Variants in HLCS observed in about 807,000 individuals in gnomAD.
HLCS encodes the protein holocarboxylase synthetase.
HLCS carries 53 observed loss-of-function variants against 75.0 expected under a neutral mutation model. The ratio of observed to expected loss-of-function variants is 0.71; its 90% CI spans 0.57 to 0.89. The LOEUF (loss-of-function observed/expected upper bound fraction) is 0.89. Ranked by LOEUF, HLCS falls within the 40% of genes least tolerant of loss-of-function variation. The pLI is 0.00. For missense variants in HLCS, 966 were observed against 1,074.0 expected (o/e 0.90, Z 1.41); for synonymous variants, 431 against 428.6 (o/e 1.01, Z -0.07).
Position 36,802,270 on chromosome 21 carries a change from G to A in HLCS, c.1893-34985C>T, listed in dbSNP as rs551006326. Among the ~76,000 whole-genome samples, 6 of 152,270 alleles carry A rather than the reference G, an allele frequency of 3.9e-5. No individual in the cohort carries two copies. In the South Asian group the frequency reaches 1.2e-3, roughly 32 times the overall value. ...GCATAAGGGGAAAGGGACAGTGGGA[G>A]AATCTCATGGGCCAGGCCTGGAAGA... is the stretch of plus-strand genomic sequence containing the variant. On this transcript the variant is annotated intron_variant, in intron 6 of 10. Transcript: ENST00000674895.
chr21:36,841,064 A>C (rs2062598867), intron 6 of HLCS, among the ~76,000 whole-genome samples: 1 of 152,216 alleles, frequency 6.6e-6, no homozygotes, highest in Non-Finnish European at 1.5e-5. Context: ...CTCAATTAAA[A>C]AATTAAAATG....
chr21:36,887,872 T>C (rs1285164486), intron 6 of HLCS, among the ~76,000 whole-genome samples: 1 of 152,090 alleles, frequency 6.6e-6, no homozygotes, highest in East Asian at 1.9e-4. Context: ...ACATTAAGAG[T>C]ACACCAATAA....
At chr21:36,914,525 T>C (rs754087104) in intron 5 of HLCS, among the ~76,000 whole-genome samples, 1 of 152,116 alleles carries the variant, frequency 6.6e-6, no homozygotes, top group Non-Finnish European at 1.5e-5. Flanking sequence ...AGGCCCAGGA[T>C]TTACTGCATT....
At chr21:36,978,249 A>C (rs2146729656) in intron 1 of HLCS, among the ~76,000 whole-genome samples, 1 of 152,274 alleles carries the variant, frequency 6.6e-6, no homozygotes, top group Non-Finnish European at 1.5e-5. Context: ...TAATCCCAGC[A>C]CTTTGGGAGA....
intron 6 of HLCS, among the ~76,000 whole-genome samples, chr21:36,806,643 T>C (rs1238593877): frequency 6.6e-6 from 1 of 152,148 alleles, no homozygotes; most frequent in African/African-American, 2.4e-5. Flanking sequence ...ATGGTGAAAC[T>C]AGAGCAATTC....
At chr21:36,988,373 A>AC (rs2069267756) in intron 1 of HLCS, among the ~76,000 whole-genome samples, 1 of 152,168 alleles carries the variant, frequency 6.6e-6, no homozygotes, top group Admixed American at 6.5e-5. Flanking sequence ...AAATCACTCC[A>AC]CATCAGTTCA....
intron 6 of HLCS, among the ~76,000 whole-genome samples, chr21:36,867,203 C>G (rs915680259): frequency 1.3e-5 from 2 of 152,136 alleles, no homozygotes; most frequent in Non-Finnish European, 2.9e-5. Context: ...ATGGGCGTTG[C>G]AACATTGGTT....
chr21:36,890,431 A>G (rs1266386103), intron 6 of HLCS, among the ~76,000 whole-genome samples: 1 of 152,190 alleles, frequency 6.6e-6, no homozygotes, highest in East Asian at 1.9e-4. Flanking sequence ...GCGCATCACT[A>G]ACGGGGTTTT....
chr21:36,900,921 G>A (rs987839647), intron 5 of HLCS, among the ~76,000 whole-genome samples: 1 of 152,184 alleles, frequency 6.6e-6, no homozygotes, highest in Non-Finnish European at 1.5e-5. Context: ...GAGAGGAAGA[G>A]GCAGGAGGTG....
Position 36,753,792 on chromosome 21 carries a change from T to A in HLCS, c.*454A>T, listed in dbSNP as rs145237188. ...AAGTGTCCAAGCATGTTCTTACAGT[T>A]CAGTACCTCCCCAGATGCTTACAAA... On this transcript the variant is annotated 3_prime_UTR_variant, in exon 11 of 11. Coordinates refer to ENST00000674895, the MANE Select transcript of HLCS (RefSeq NM_001352514.2). The surrounding 1 kb of genome is among the most constrained non-coding windows in gnomAD (Gnocchi z 4.3). 5 of 239,526 alleles carry A rather than the reference T, an allele frequency of 2.1e-5. No homozygotes were observed. Among genetic ancestry groups the A allele is most frequent in the African/African-American group, 9.2e-5 (4 of 43,426 alleles). 14.8% of individuals were successfully genotyped at this position (239,526 alleles called of 1,614,324 possible).
At chr21:36,802,677 C>T (rs914943828) in intron 6 of HLCS, among the ~76,000 whole-genome samples, 1 of 152,148 alleles carries the variant, frequency 6.6e-6, no homozygotes, top group Non-Finnish European at 1.5e-5. Context: ...CTTTTCTTTG[C>T]GTCGTACTGA....
At chr21:36,775,142 T>G (rs2060317486) in intron 6 of HLCS, among the ~76,000 whole-genome samples, 1 of 152,200 alleles carries the variant, frequency 6.6e-6, no homozygotes, top group South Asian at 2.1e-4. Flanking sequence ...GGCCCTCTGT[T>G]AGAGACACCC....
chr21:36,844,784 C>T (rs751979926), intron 6 of HLCS, among the ~76,000 whole-genome samples: 1 of 151,486 alleles, frequency 6.6e-6, no homozygotes, highest in Non-Finnish European at 1.5e-5. Context: ...TAAGGGTCGA[C>T]TTTAATACCG....
intron 6 of HLCS, among the ~76,000 whole-genome samples, chr21:36,851,647 T>C (rs181212534): frequency 3.9e-5 from 6 of 152,322 alleles, no homozygotes; most frequent in Non-Finnish European, 8.8e-5. Context: ...ATATTTTAAT[T>C]GTACATTTTT....
At chr21:36,806,947 C>G (rs895086468) in intron 6 of HLCS, among the ~76,000 whole-genome samples, 1 of 152,206 alleles carries the variant, frequency 6.6e-6, no homozygotes, top group African/African-American at 2.4e-5. Context: ...TTTGTCCCTT[C>G]CCAACCTCAT....
At chr21:36,947,453 G>A in intron 2 of HLCS, 1 of 985,360 alleles carries the variant, frequency 1.0e-6, no homozygotes, top group Non-Finnish European at 1.2e-6. Flanking sequence ...ACGTCGTCCA[G>A]GGTGTTTGCC....
chr21:36,949,356 G>A (rs890515693), intron 2 of HLCS, among the ~76,000 whole-genome samples: 1 of 152,206 alleles, frequency 6.6e-6, no homozygotes, highest in African/African-American at 2.4e-5. Context: ...TGTCAGCTGG[G>A]AGCTCAGCCA....
intron 6 of HLCS, among the ~76,000 whole-genome samples, chr21:36,882,054 G>A (rs549293582): frequency 8.5e-5 from 13 of 152,078 alleles, no homozygotes; most frequent in East Asian, 5.8e-4. Context: ...AGGCCGAAGC[G>A]GGCGGATCCC....
chr21:36,887,426 G>A (rs1466953627), intron 6 of HLCS, among the ~76,000 whole-genome samples: 1 of 151,996 alleles, frequency 6.6e-6, no homozygotes, highest in Non-Finnish European at 1.5e-5. Flanking sequence ...TTGAAAAATC[G>A]GTGACAAAAT....
Sources: gnomAD v4.1 joint callset for allele counts (sites outside exome capture counted in the v4.1 genomes callset) on GRCh38, gnomAD v4.1.1 for gene constraint, Gnocchi (gnomAD v3.1) non-coding constraint, MANE v1.5 for transcripts, NCBI Gene and HGNC (gene_info 2026-07-23, HGNC 2026-07-21) for gene names.